The following NLGN1 variants were observed in gnomAD, a reference collection of about 807,000 sequenced individuals.
The protein encoded by NLGN1 is neuroligin 1.
In NLGN1, 12 loss-of-function variants were observed where a neutral mutation model predicts 65.5. The ratio of observed to expected loss-of-function variants is 0.18; its 90% confidence interval spans 0.12 to 0.30. NLGN1 has a LOEUF of 0.30. NLGN1 is among the 10% of genes least tolerant of loss of function. The probability of loss-of-function intolerance (pLI) is 1.00; values close to 1 mark genes in which losing one functional copy is unlikely to be tolerated. For missense variants in NLGN1, 750 were observed against 1,007.1 expected (o/e 0.74, Z 3.46); for synonymous variants, 350 against 359.5 (o/e 0.97, Z 0.30).
At chr3:174,085,546 C>T (rs1743065817) in intron 4 of NLGN1, among the ~76,000 whole-genome samples, 1 of 152,002 alleles carries the variant, frequency 6.6e-6, no homozygotes, top group Admixed American at 6.5e-5. Context: ...CCCTTTGGAG[C>T]ACTTTTCAAA....
intron 4 of NLGN1, among the ~76,000 whole-genome samples, chr3:174,205,161 A>G (rs939616095): frequency 6.6e-6 from 1 of 152,284 alleles, no homozygotes; most frequent in African/African-American, 2.4e-5. Flanking sequence ...ATGAAAATAC[A>G]TTGTGGTTTT....
rs866239172 is a variant in NLGN1 at position 173,675,887 on chromosome 3, T to A, written c.493+70796T>A. The stretch of plus-strand genomic sequence containing the variant: ...CTCTTTGTCTCTCTCTCTCTCTCTC[T>A]CACACACACACACACACACACACAC... On this transcript the variant is annotated intron_variant, in intron 3 of 6. Transcript: ENST00000457714. 5.6e-3 allele frequency among the ~76,000 whole-genome samples: 782 copies of A among 138,642 alleles called. 12 individuals are homozygous for A. Among genetic ancestry groups the A allele is most frequent in the African/African-American group, 0.02 (724 of 35,708 alleles). 91.0% of individuals were successfully genotyped at this position (138,642 alleles called of 152,430 possible). A position where few individuals can be genotyped will look rare whatever the true frequency, so the allele number is the denominator to read the frequency against.
At chr3:173,714,162 T>C (rs1769458186) in intron 3 of NLGN1, among the ~76,000 whole-genome samples, 1 of 152,164 alleles carries the variant, frequency 6.6e-6, no homozygotes, top group Non-Finnish European at 1.5e-5. Context: ...TTATTGTTGT[T>C]ATATTGTCAC....
At chr3:173,487,857 A>G (rs1323572246) in intron 2 of NLGN1, among the ~76,000 whole-genome samples, 1 of 151,936 alleles carries the variant, frequency 6.6e-6, no homozygotes, top group Non-Finnish European at 1.5e-5. Context: ...AGTTTTTTAA[A>G]CAGTAAGCAG....
intron 4 of NLGN1, among the ~76,000 whole-genome samples, chr3:174,254,082 C>G (rs1381213296): frequency 1.3e-5 from 2 of 152,104 alleles, no homozygotes; most frequent in Non-Finnish European, 2.9e-5. Context: ...TCATATATCC[C>G]CTTGGCGTTG....
chr3:174,087,670 A>G (rs1743687037), intron 4 of NLGN1, among the ~76,000 whole-genome samples: 1 of 152,152 alleles, frequency 6.6e-6, no homozygotes. Flanking sequence ...GTAAAGTTCT[A>G]TGCCACAACT....
At chr3:174,058,893 C>T (rs140333109) in intron 4 of NLGN1, among the ~76,000 whole-genome samples, 190 of 152,206 alleles carry the variant, frequency 1.2e-3, no homozygotes, top group African/African-American at 4.4e-3. Context: ...GCCAAAGGTT[C>T]AGCATTTCCT....
In NLGN1 at chr3:174,017,834, C is replaced by A. The variant is rs142612949; in HGVS notation, c.646+210002C>A. ...GCAGGGTGAGATCACAGTACTGGGG[C>A]GAAATTAAAATTGCTAATGAAGTTT... is the stretch of plus-strand genomic sequence containing the variant. On this transcript the variant is annotated intron_variant, in intron 4 of 6. Coordinates refer to ENST00000457714, the Ensembl canonical transcript of NLGN1. 8.3e-3 allele frequency among the ~76,000 whole-genome samples: 1,255 copies of A among 152,058 alleles called. 16 individuals carry two copies. The highest frequency in any genetic ancestry group is 0.028 in the African/African-American group (1,172 of 41,486).
intron 3 of NLGN1, among the ~76,000 whole-genome samples, chr3:173,649,470 AT>A (rs926423927): frequency 1.3e-5 from 2 of 152,234 alleles, no homozygotes; most frequent in African/African-American, 2.4e-5. Flanking sequence ...AATATGCGCA[AT>A]TTTTTATGTG....
chr3:173,948,787 T>C (rs1747668408), intron 4 of NLGN1, among the ~76,000 whole-genome samples: 1 of 152,228 alleles, frequency 6.6e-6, no homozygotes, highest in South Asian at 2.1e-4. Flanking sequence ...TTCCTGATTA[T>C]TCCTAAAGTT....
At chr3:173,508,761 A>G (rs1485974687) in intron 2 of NLGN1, among the ~76,000 whole-genome samples, 2 of 152,224 alleles carry the variant, frequency 1.3e-5, no homozygotes, top group Middle Eastern at 3.4e-3. Context: ...TTGCTCCCCA[A>G]GGAATACAGT....
chr3:173,590,739 A>G (rs1469021950), intron 2 of NLGN1, among the ~76,000 whole-genome samples: 1 of 152,198 alleles, frequency 6.6e-6, no homozygotes, highest in Non-Finnish European at 1.5e-5. Context: ...TGAATTGACA[A>G]ATAATTTTAA....
At chr3:173,880,511 CT>C (rs1375122169) in intron 4 of NLGN1, among the ~76,000 whole-genome samples, 1 of 151,206 alleles carries the variant, frequency 6.6e-6, no homozygotes, top group Non-Finnish European at 1.5e-5. Flanking sequence ...TTTTCTAGTG[CT>C]TTTAAAAGCT....
At chr3:174,113,416 T>A (rs890771627) in intron 4 of NLGN1, among the ~76,000 whole-genome samples, 2 of 152,070 alleles carry the variant, frequency 1.3e-5, no homozygotes, top group Non-Finnish European at 2.9e-5. Flanking sequence ...GACAAAGTTT[T>A]ATGAGACATA....
intron 2 of NLGN1, among the ~76,000 whole-genome samples, chr3:173,453,810 A>T (rs1175197632): frequency 2.0e-5 from 3 of 152,164 alleles, no homozygotes; most frequent in African/African-American, 4.8e-5. Context: ...TGAGGGTTAG[A>T]ATTGACTTCT....
chr3:174,274,886 C>CACAT (rs1199508118), intron 4 of NLGN1, among the ~76,000 whole-genome samples: 7 of 151,962 alleles, frequency 4.6e-5, no homozygotes, highest in Admixed American at 1.3e-4. Context: ...CATTCTGCCA[C>CACAT]ACATACATAC....
At chr3:173,604,997 G>T (rs746271611) in exon 3 of NLGN1, 1 of 1,613,452 alleles carries the variant, frequency 6.2e-7, no homozygotes. Flanking sequence ...TGCTTCCTGT[G>T]TGGTTTACTA....
chr3:173,448,492 A>G (rs1162623023), intron 2 of NLGN1, among the ~76,000 whole-genome samples: 4 of 152,190 alleles, frequency 2.6e-5, no homozygotes, highest in Non-Finnish European at 5.9e-5. Flanking sequence ...TTTTGCATCT[A>G]TGTTCATCAA....
chr3:173,809,861 G>A (rs1717506855), intron 4 of NLGN1, among the ~76,000 whole-genome samples: 1 of 152,198 alleles, frequency 6.6e-6, no homozygotes, highest in South Asian at 2.1e-4. Context: ...GGTTTAGATA[G>A]TAGCAGAGAG....
Sources: gnomAD v4.1 joint callset for allele counts (sites outside exome capture counted in the v4.1 genomes callset) on GRCh38, gnomAD v4.1.1 for gene constraint, MANE v1.5 for transcripts, NCBI Gene and HGNC (gene_info 2026-07-23, HGNC 2026-07-21) for gene names.